The following TSPAN3 variants were observed in gnomAD, a reference collection of about 807,000 sequenced individuals.
TSPAN3 encodes tetraspanin 3, also known as tetraspanin-3.
A neutral mutation model predicts 31.1 loss-of-function variants in TSPAN3; 9 were observed. That is an observed-to-expected ratio of 0.29 (90% CI 0.17 to 0.50). The LOEUF is 0.50. Among genes scored for constraint, TSPAN3 ranks in the 20% least tolerant of loss-of-function variants. The probability of loss-of-function intolerance (pLI) is 0.98; values close to 1 mark genes in which losing one functional copy is unlikely to be tolerated. For missense variants in TSPAN3, 252 were observed against 313.5 expected, an observed-to-expected ratio of 0.80 and a Z score of 1.48; for synonymous variants, 129 against 114.3, an observed-to-expected ratio of 1.13 and a Z score of -0.82.
chr15:77,064,048 T>C (rs1310868945), intron 1 of TSPAN3: 1 of 152,224 alleles, frequency 6.6e-6, no homozygotes, highest in East Asian at 1.9e-4. Flanking sequence ...AGTTACAAAA[T>C]GTCAACATTT....
At chr15:77,063,876 T>C (rs1180414917) in intron 1 of TSPAN3, 1 of 152,172 alleles carries the variant, frequency 6.6e-6, no homozygotes, top group Non-Finnish European at 1.5e-5. Flanking sequence ...AAGCCTGAAA[T>C]TTAAATATGC....
chr15:77,057,616 T>C lies in TSPAN3; in HGVS notation c.64-1361A>G, dbSNP rs553638607. Among the ~76,000 whole-genome samples, 7 of 152,348 alleles carry C rather than the reference T, an allele frequency of 4.6e-5. No individual in the cohort carries two copies. The East Asian group carries it at 1.3e-3, about 29-fold the overall frequency. On this transcript the variant is annotated intron_variant, in intron 1 of 6. Transcript: ENST00000267970. ...TAATGAAGGCAATTTTTAAAAACAT[T>C]GTTTTAAAACTCTCTTCCTCTGGCT... is the stretch of plus-strand genomic sequence containing the variant.
intron 6 of TSPAN3, among the ~76,000 whole-genome samples, chr15:77,047,197 G>C (rs989738456): frequency 2.0e-5 from 3 of 152,310 alleles, no homozygotes; most frequent in African/African-American, 4.8e-5. Flanking sequence ...CTAGTCTAGC[G>C]AGTGCTGTCC....
intron 1 of TSPAN3, among the ~76,000 whole-genome samples, chr15:77,066,281 A>G (rs2076832208): frequency 6.6e-6 from 1 of 152,186 alleles, no homozygotes; most frequent in Admixed American, 6.5e-5. Flanking sequence ...TATTTAATAC[A>G]ATAGCCTTTG....
chr15:77,064,314 G>A (rs563111309), intron 1 of TSPAN3: 2 of 152,104 alleles, frequency 1.3e-5, no homozygotes, highest in African/African-American at 4.8e-5. Flanking sequence ...CAGGGACTGT[G>A]TTTACTCTAT....
At chr15:77,059,542 G>A (rs910475874) in intron 1 of TSPAN3, among the ~76,000 whole-genome samples, 2 of 152,046 alleles carry the variant, frequency 1.3e-5, no homozygotes, top group African/African-American at 4.8e-5. Context: ...CAGTCCTCAC[G>A]CTAAATTAGA....
At chr15:77,064,006 TTA>T (rs1242634129) in intron 1 of TSPAN3, 1 of 152,184 alleles carries the variant, frequency 6.6e-6, no homozygotes, top group Non-Finnish European at 1.5e-5. Flanking sequence ...CACACTTGGG[TTA>T]TGTGTTTAAT....
chr15:77,047,769 T>A (rs948758576), intron 6 of TSPAN3, among the ~76,000 whole-genome samples: 3 of 152,182 alleles, frequency 2.0e-5, no homozygotes, highest in Admixed American at 2.0e-4. Context: ...CAAAATATAA[T>A]TTTTTTGTGA....
At chr15:77,052,988 G>A in intron 4 of TSPAN3, 59 bp from the exon 5 acceptor site, 3 of 1,504,994 alleles carry the variant, frequency 2.0e-6, no homozygotes, top group South Asian at 1.2e-5. Flanking sequence ...GAAGTTCCAT[G>A]TACTACAGAG....
intron 1 of TSPAN3, among the ~76,000 whole-genome samples, chr15:77,068,969 C>G (rs2076850090): frequency 6.6e-6 from 1 of 152,186 alleles, no homozygotes; most frequent in South Asian, 2.1e-4. Context: ...GTCTTTATAA[C>G]AGAATGATTT....
intron 3 of TSPAN3, chr15:77,055,231 C>T (rs2076761110): frequency 6.6e-6 from 1 of 152,274 alleles, no homozygotes; most frequent in African/African-American, 2.4e-5. Flanking sequence ...AGGTAGACAG[C>T]AAAATCAGGC....
intron 3 of TSPAN3, 77 bp downstream of exon 3, chr15:77,055,712 A>C (rs1010312426): frequency 8.8e-7 from 1 of 1,132,786 alleles, no homozygotes; most frequent in Admixed American, 2.5e-5. Flanking sequence ...ACTCTGATAA[A>C]ATGAATGTGT....
rs1457704620 is a variant in TSPAN3, at chr15:77,041,951, A to G, written c.*4884T>C. The G allele has an allele frequency of 6.6e-6, 1 of 152,228 alleles. No individual in the cohort carries two copies. Among genetic ancestry groups the G allele is most frequent in the Non-Finnish European group, 1.5e-5 (1 of 68,048 alleles). The allele number at this position is 152,228 out of a possible 1,614,324, so 9.4% of individuals were successfully genotyped here. A position where few individuals can be genotyped will look rare whatever the true frequency, so the allele number is the denominator to read the frequency against. ...GTGTATAGAGATGATCACTGTGGCGAGTAGTGGAGGCACTGGAGGCAGCCT... is the reference window on the plus strand; with the variant it reads ...GTGTATAGAGATGATCACTGTGGCGGGTAGTGGAGGCACTGGAGGCAGCCT... On this transcript the variant is annotated 3_prime_UTR_variant, in exon 7 of 7. Coordinates refer to ENST00000267970, the MANE Select transcript of TSPAN3 (RefSeq NM_005724.6).
chr15:77,054,081 A>G, intron 4 of TSPAN3, 97 bp downstream of exon 4: 1 of 866,162 alleles, frequency 1.2e-6, no homozygotes, highest in Admixed American at 1.9e-5. Context: ...CATGTATGTG[A>G]AGAAACATGG....
chr15:77,049,538 G>A (rs984255094), intron 6 of TSPAN3, among the ~76,000 whole-genome samples: 3 of 152,072 alleles, frequency 2.0e-5, no homozygotes, highest in African/African-American at 7.3e-5. Flanking sequence ...ATTCATAATT[G>A]ATCATGAGTT....
At chr15:77,062,978 C>T (rs1440377142) in intron 1 of TSPAN3, among the ~76,000 whole-genome samples, 1 of 152,088 alleles carries the variant, frequency 6.6e-6, no homozygotes, top group African/African-American at 2.4e-5. Context: ...TACCAGTTTG[C>T]TTTTTAAAAT....
At chr15:77,055,032 T>C (rs2076759453) in intron 3 of TSPAN3, 1 of 142,230 alleles carries the variant, frequency 7.0e-6, no homozygotes, top group Non-Finnish European at 1.5e-5. Context: ...TCCATTGCAT[T>C]TTTTTTTTAG....
chr15:77,042,473 G>C lies in TSPAN3; in HGVS notation c.*4362C>G, dbSNP rs2076665527. On this transcript the variant is annotated 3_prime_UTR_variant, in exon 7 of 7. Transcript: ENST00000267970. ...GAACATCTTGTTAGATCAGAAATTA[G>C]GGGAGTGCTTCCAAAAATGCTGGGA... is the stretch of plus-strand genomic sequence containing the variant. 6.6e-6 allele frequency: 1 copy of C among 152,118 alleles called. No individual in the cohort carries two copies. Among genetic ancestry groups the C allele is most frequent in the Non-Finnish European group, 1.5e-5 (1 of 68,030 alleles). The allele number at this position is 152,118 out of a possible 1,614,324, so 9.4% of individuals were successfully genotyped here.
intron 5 of TSPAN3, 30 bp downstream of exon 5, chr15:77,052,747 C>T: frequency 6.2e-7 from 1 of 1,605,884 alleles, no homozygotes; most frequent in Non-Finnish European, 8.5e-7. Flanking sequence ...GTTAATCAAG[C>T]TAGACTCAAG....
Sources: allele counts gnomAD v4.1 joint callset (sites outside exome capture counted in the v4.1 genomes callset), GRCh38; gene constraint gnomAD v4.1.1; transcripts MANE v1.5; gene names NCBI Gene and HGNC (gene_info 2026-07-23, HGNC 2026-07-21).